The following NREP variants were observed in gnomAD, a reference collection of about 807,000 sequenced individuals.
NREP encodes neuronal regeneration related protein, also known as neuronal regeneration-related protein.
A neutral mutation model predicts 8.6 loss-of-function variants in NREP; 5 were observed. The observed-to-expected ratio is 0.58, with a 90% confidence interval of 0.30 to 1.22. The LOEUF (loss-of-function observed/expected upper bound fraction) is 1.22. Ranked by LOEUF, NREP falls within the 50% of genes most tolerant of loss-of-function variation. The probability of loss-of-function intolerance (pLI) is 0.07; values close to 1 mark genes in which losing one functional copy is unlikely to be tolerated. For missense variants in NREP, 86 were observed against 82.5 expected (o/e 1.04, Z -0.17); for synonymous variants, 27 against 28.0 (o/e 0.96, Z 0.11).
intron 2 of NREP, among the ~76,000 whole-genome samples, chr5:111,895,765 G>C (rs1754495283): frequency 6.6e-6 from 1 of 152,104 alleles, no homozygotes; most frequent in Non-Finnish European, 1.5e-5. Flanking sequence ...GCACGTCCCA[G>C]TCATGACAAC....
At chr5:111,939,154 G>C (rs1755762141) in intron 2 of NREP, among the ~76,000 whole-genome samples, 2 of 151,916 alleles carry the variant, frequency 1.3e-5, no homozygotes, top group Non-Finnish European at 2.9e-5. Context: ...TTTTATTCCT[G>C]ACAAACAGTC....
intron 2 of NREP, among the ~76,000 whole-genome samples, chr5:111,903,690 G>T (rs1419294904): frequency 2.0e-5 from 3 of 151,856 alleles, no homozygotes; most frequent in Non-Finnish European, 4.4e-5. Flanking sequence ...TGTTTCTTAT[G>T]GGAAAAAACA....
intron 2 of NREP, among the ~76,000 whole-genome samples, chr5:111,848,614 T>C (rs1283674495): frequency 6.6e-6 from 1 of 152,122 alleles, no homozygotes; most frequent in African/African-American, 2.4e-5. Flanking sequence ...AATAGTGAGT[T>C]GTGGATGCTT....
intron 2 of NREP, among the ~76,000 whole-genome samples, chr5:111,741,826 C>CACACAGACACACACAG (rs58727765): frequency 2.1e-5 from 3 of 141,062 alleles, no homozygotes; most frequent in African/African-American, 8.4e-5. Flanking sequence ...CACACACATA[C>CACACAGACACACACAG]ACACACACAC....
intron 2 of NREP, among the ~76,000 whole-genome samples, chr5:111,937,743 C>T (rs1349045857): frequency 6.6e-6 from 1 of 152,022 alleles, no homozygotes; most frequent in East Asian, 1.9e-4. Context: ...CTCTACTTCT[C>T]ATTCTTGTAC....
At chr5:111,850,307 C>T (rs1753277662) in intron 2 of NREP, among the ~76,000 whole-genome samples, 2 of 152,112 alleles carry the variant, frequency 1.3e-5, no homozygotes, top group Admixed American at 1.3e-4. Flanking sequence ...TTCTACACTT[C>T]CTGCTTTGGA....
chr5:111,739,141 T>C (rs539980116), intron 2 of NREP: 1 of 152,308 alleles, frequency 6.6e-6, no homozygotes, highest in South Asian at 2.1e-4. Flanking sequence ...AAGAAATATA[T>C]AGGTTAAGTC....
chr5:111,973,959 A>G (rs1359580413), intron 2 of NREP, among the ~76,000 whole-genome samples: 1 of 152,210 alleles, frequency 6.6e-6, no homozygotes, highest in East Asian at 1.9e-4. Context: ...GTATGTACAC[A>G]TATATCAGTA....
intron 2 of NREP, among the ~76,000 whole-genome samples, chr5:111,902,462 G>A (rs1041554899): frequency 3.9e-5 from 6 of 152,182 alleles, no homozygotes; most frequent in African/African-American, 1.2e-4. Flanking sequence ...TCAAATAATT[G>A]TAACAGGAGA....
At chr5:111,922,472 G>T (rs1370188911) in intron 2 of NREP, among the ~76,000 whole-genome samples, 3 of 152,114 alleles carry the variant, frequency 2.0e-5, no homozygotes, top group Non-Finnish European at 4.4e-5. Context: ...CTGACACCAG[G>T]AGGTACTGAG....
intron 2 of NREP, among the ~76,000 whole-genome samples, chr5:111,896,984 T>G (rs982472142): frequency 1.3e-5 from 2 of 152,214 alleles, no homozygotes; most frequent in Non-Finnish European, 2.9e-5. Flanking sequence ...ATATGTTTCA[T>G]TTAATATTAT....
At chr5:111,907,974 G>T (rs1224059454) in intron 2 of NREP, among the ~76,000 whole-genome samples, 8 of 151,990 alleles carry the variant, frequency 5.3e-5, no homozygotes. Context: ...GTATTTGTTT[G>T]TATATAAATA....
intron 2 of NREP, among the ~76,000 whole-genome samples, chr5:111,775,989 TA>T (rs894188610): frequency 5.9e-5 from 9 of 152,052 alleles, no homozygotes; most frequent in African/African-American, 2.2e-4. Context: ...ATTAAAACTA[TA>T]AAAAACCATA....
Position 111,755,804 on chromosome 5 carries a change from C to T in NREP, c.-32G>A. 1 of 1,613,864 alleles carries T rather than the reference C, an allele frequency of 6.2e-7. No homozygotes were observed. The highest frequency in any genetic ancestry group is 8.5e-7 in the Non-Finnish European group (1 of 1,179,810). On this transcript the variant is annotated 5_prime_UTR_variant, in exon 2 of 4. Coordinates refer to ENST00000257435, the MANE Select transcript of NREP (RefSeq NM_004772.4). ...AATCTTAGTCTTGGGCTTCTATTCTCCCTCTCTTCAGTCCAGGGAGACCAA... is the reference window on the plus strand; with the variant it reads ...AATCTTAGTCTTGGGCTTCTATTCTTCCTCTCTTCAGTCCAGGGAGACCAA...
intron 2 of NREP, among the ~76,000 whole-genome samples, chr5:111,841,647 T>C (rs1401871714): frequency 6.6e-6 from 1 of 152,096 alleles, no homozygotes; most frequent in Non-Finnish European, 1.5e-5. Context: ...AACCTGGGGT[T>C]CCCTCCTCCT....
At chr5:111,807,038 T>C (rs1272331733) in intron 2 of NREP, among the ~76,000 whole-genome samples, 1 of 152,092 alleles carries the variant, frequency 6.6e-6, no homozygotes, top group Non-Finnish European at 1.5e-5. Flanking sequence ...GGAAAGTCTA[T>C]TTTAAAAAAA....
chr5:111,885,767 A>C (rs1754228039), intron 2 of NREP, among the ~76,000 whole-genome samples: 1 of 152,248 alleles, frequency 6.6e-6, no homozygotes, highest in African/African-American at 2.4e-5. Flanking sequence ...CTGGCTAGCC[A>C]TATGTAGAAA....
At chr5:111,873,888 T>C (rs1243855854) in intron 2 of NREP, among the ~76,000 whole-genome samples, 1 of 152,144 alleles carries the variant, frequency 6.6e-6, no homozygotes, top group East Asian at 1.9e-4. Context: ...CCATCAAATC[T>C]TGCATCTTCT....
intron 2 of NREP, among the ~76,000 whole-genome samples, chr5:111,863,327 A>C (rs574705119): frequency 1.3e-5 from 2 of 152,236 alleles, no homozygotes; most frequent in South Asian, 4.1e-4. Flanking sequence ...GGTAGAAAAA[A>C]GATTTGAGTT....
Sources: allele counts gnomAD v4.1 joint callset (sites outside exome capture counted in the v4.1 genomes callset), GRCh38; gene constraint gnomAD v4.1.1; transcripts MANE v1.5; gene names NCBI Gene and HGNC (gene_info 2026-07-23, HGNC 2026-07-21).